The following COG5 variants were observed in gnomAD, a reference collection of about 807,000 sequenced individuals.
The protein encoded by COG5 is component of oligomeric golgi complex 5, also known as conserved oligomeric Golgi complex subunit 5.
COG5 carries 86 observed loss-of-function variants against 110.4 expected under a neutral mutation model. That is an observed-to-expected ratio of 0.78 (90% CI 0.65 to 0.93). The LOEUF is 0.93. Ranked by LOEUF, COG5 falls within the 40% of genes least tolerant of loss-of-function variation. The pLI, the probability that COG5 is intolerant of heterozygous loss-of-function variation, is 0.00. For synonymous variants in COG5, 360 were observed against 334.6 expected, an observed-to-expected ratio of 1.08 and a Z score of -0.83; for missense variants, 1,077 against 987.0, an observed-to-expected ratio of 1.09 and a Z score of -1.22.
At chr7:107,390,905 TG>T in intron 7 of COG5, among the ~76,000 whole-genome samples, 1 of 151,684 alleles carries the variant, frequency 6.6e-6, no homozygotes, top group South Asian at 2.1e-4. Flanking sequence ...TAAACCTTCT[TG>T]GAAGGCCAGA....
intron 6 of COG5, among the ~76,000 whole-genome samples, chr7:107,438,365 A>G (rs573035357): frequency 6.6e-6 from 1 of 152,294 alleles, no homozygotes; most frequent in East Asian, 1.9e-4. Flanking sequence ...ACCTTCCCAC[A>G]GTTTCCCACC....
Position 107,213,946 on chromosome 7 carries a change from C to A in COG5, c.2169-2721G>T, listed in dbSNP as rs555730020. 1.4e-4 allele frequency among the ~76,000 whole-genome samples: 21 copies of A among 151,814 alleles called. 1 individual carries two copies. In the South Asian group the frequency reaches 4.4e-3, roughly 32 times the overall value. On this transcript the variant is annotated intron_variant, in intron 19 of 21. Transcript: ENST00000297135. ...AAGAGACGGTCATCTATGGAATGACCAACAAAAAATACACAACAATCCTCT... is the reference window on the plus strand; with the variant it reads ...AAGAGACGGTCATCTATGGAATGACAAACAAAAAATACACAACAATCCTCT...
At chr7:107,397,113 T>C (rs1791072913) in intron 7 of COG5, among the ~76,000 whole-genome samples, 1 of 152,244 alleles carries the variant, frequency 6.6e-6, no homozygotes, top group Non-Finnish European at 1.5e-5. Context: ...TGCCAGACAC[T>C]TGTTTTCACA....
At chr7:107,284,396 CATATGGAAG>C (rs1393358277) in intron 12 of COG5, among the ~76,000 whole-genome samples, 1 of 152,192 alleles carries the variant, frequency 6.6e-6, no homozygotes, top group East Asian at 1.9e-4. Context: ...GTTATCGAAG[CATATGGAAG>C]AAAGACCAGC....
Position 107,211,080 on chromosome 7 carries a change from G to A in COG5, c.2295+19C>T. ...TGGGAAGAGTCACAAAAGGGTTCTG[G>A]CTTGACTTTATTTATTACCTGGAAA... is the stretch of plus-strand genomic sequence containing the variant. On this transcript the variant is annotated intron_variant, in intron 20 of 21. Transcript: ENST00000297135. The A allele has an allele frequency of 6.2e-7, 1 of 1,613,578 alleles. No individual in the cohort carries two copies. The highest frequency in any genetic ancestry group is 8.5e-7 in the Non-Finnish European group (1 of 1,179,786).
At chr7:107,554,083 A>G (rs1044631254) in intron 3 of COG5, among the ~76,000 whole-genome samples, 2 of 152,238 alleles carry the variant, frequency 1.3e-5, no homozygotes, top group South Asian at 2.1e-4. Context: ...AAGTTTCACT[A>G]AAGTCTTACT....
chr7:107,310,375 T>C (rs893351281), intron 11 of COG5, among the ~76,000 whole-genome samples: 9 of 152,242 alleles, frequency 5.9e-5, no homozygotes, highest in African/African-American at 1.9e-4. Flanking sequence ...GCCCACTTTG[T>C]GGGCAAATTA....
chr7:107,413,450 G>A (rs1323380241), intron 6 of COG5, among the ~76,000 whole-genome samples: 1 of 151,576 alleles, frequency 6.6e-6, no homozygotes, highest in Admixed American at 6.6e-5. Context: ...AGCTGGGAGG[G>A]AGAAAGGTCT....
chr7:107,349,054 T>C (rs2129040305), intron 10 of COG5, among the ~76,000 whole-genome samples: 1 of 152,274 alleles, frequency 6.6e-6, no homozygotes, highest in East Asian at 1.9e-4. Context: ...GATCAATTCC[T>C]GAACAATGGA....
chr7:107,416,153 A>G (rs1792829184), intron 6 of COG5, among the ~76,000 whole-genome samples: 1 of 151,712 alleles, frequency 6.6e-6, no homozygotes, highest in Non-Finnish European at 1.5e-5. Flanking sequence ...TTAGGCACAT[A>G]CCCCAGAAAT....
At chr7:107,424,523 A>G (rs1044091259) in intron 6 of COG5, among the ~76,000 whole-genome samples, 7 of 150,614 alleles carry the variant, frequency 4.6e-5, no homozygotes, top group Admixed American at 2.6e-4. Context: ...TTTTTTTTGA[A>G]AAAAAGAAAA....
At chr7:107,497,098 C>G (rs907553770) in intron 6 of COG5, among the ~76,000 whole-genome samples, 10 of 151,852 alleles carry the variant, frequency 6.6e-5, no homozygotes, top group African/African-American at 2.4e-4. Context: ...GTGTCCCAGC[C>G]ACTCAAGTGG....
At chr7:107,466,327 T>C (rs1435370396) in intron 6 of COG5, among the ~76,000 whole-genome samples, 1 of 152,126 alleles carries the variant, frequency 6.6e-6, no homozygotes, top group Non-Finnish European at 1.5e-5. Flanking sequence ...AGTGTAGGTA[T>C]GGATGGAAAA....
At chr7:107,309,920 A>T (rs1174259430) in intron 11 of COG5, among the ~76,000 whole-genome samples, 1 of 152,156 alleles carries the variant, frequency 6.6e-6, no homozygotes, top group Non-Finnish European at 1.5e-5. Flanking sequence ...AAGGACTGGC[A>T]ACCATTTTTC....
At chr7:107,273,002 C>T (rs898835791) in intron 14 of COG5, among the ~76,000 whole-genome samples, 1 of 140,118 alleles carries the variant, frequency 7.1e-6, no homozygotes, top group Non-Finnish European at 1.7e-5. Context: ...AAAAGGAAGT[C>T]TTCTCCCTCA....
At chr7:107,469,468 A>T (rs184882133) in intron 6 of COG5, among the ~76,000 whole-genome samples, 2 of 152,264 alleles carry the variant, frequency 1.3e-5, no homozygotes, top group Admixed American at 1.3e-4. Context: ...GGTCAATCTG[A>T]TTATTATTTT....
intron 10 of COG5, among the ~76,000 whole-genome samples, chr7:107,328,579 T>TAG (rs1208798516): frequency 1.3e-5 from 2 of 152,134 alleles, no homozygotes; most frequent in Non-Finnish European, 2.9e-5. Flanking sequence ...GTCAAACTCT[T>TAG]AGAAGCAGAA....
At chr7:107,394,817 G>A (rs969841015) in intron 7 of COG5, among the ~76,000 whole-genome samples, 1 of 152,162 alleles carries the variant, frequency 6.6e-6, no homozygotes, top group Non-Finnish European at 1.5e-5. Context: ...CATTAACATT[G>A]AAACTCTGAA....
chr7:107,294,944 CACACACATATATATAT>C (rs1205883620), intron 12 of COG5, among the ~76,000 whole-genome samples: 74 of 118,284 alleles, frequency 6.3e-4, no homozygotes, highest in African/African-American at 1.9e-3. Flanking sequence ...CACACACACA[CACACACATATATATAT>C]ACACACATAT....
Sources: gnomAD v4.1 joint callset for allele counts (sites outside exome capture counted in the v4.1 genomes callset) on GRCh38, gnomAD v4.1.1 for gene constraint, MANE v1.5 for transcripts, NCBI Gene and HGNC (gene_info 2026-07-23, HGNC 2026-07-21) for gene names.